Variants in CYRIB observed in about 807,000 individuals in gnomAD.
CYRIB encodes CYFIP related Rac1 interactor B, also known as CYFIP-related Rac1 interactor B.
A neutral mutation model predicts 44.2 loss-of-function variants in CYRIB; 8 were observed. The ratio of observed to expected loss-of-function variants is 0.18; its 90% CI spans 0.11 to 0.33. CYRIB has a LOEUF of 0.33. Ranked by LOEUF, CYRIB falls within the 10% of genes least tolerant of loss-of-function variation. CYRIB has a pLI of 1.00. For synonymous variants in CYRIB, 131 were observed against 127.2 expected, an observed-to-expected ratio of 1.03 and a Z score of -0.20; for missense variants, 185 against 382.8, an observed-to-expected ratio of 0.48 and a Z score of 4.31.
intron 1 of CYRIB, among the ~76,000 whole-genome samples, chr8:130,015,901 T>A (rs951673186): frequency 7.9e-5 from 12 of 152,144 alleles, no homozygotes; most frequent in African/African-American, 2.9e-4. Flanking sequence ...TCAAATCCAA[T>A]GCGACTGGTC....
At chr8:129,999,965 G>A (rs2096871459) in intron 1 of CYRIB, among the ~76,000 whole-genome samples, 1 of 152,118 alleles carries the variant, frequency 6.6e-6, no homozygotes, top group Non-Finnish European at 1.5e-5. Context: ...ACGAGATGAT[G>A]TACACCCAGC....
intron 1 of CYRIB, among the ~76,000 whole-genome samples, chr8:129,916,431 T>C (rs2080813897): frequency 6.6e-6 from 1 of 152,028 alleles, no homozygotes; most frequent in African/African-American, 2.4e-5. Flanking sequence ...AAACTTCTAA[T>C]AGCTCCCAAT....
rs146707166 is a variant in CYRIB, at chr8:129,873,875, C to T, written c.74-2379G>A. On this transcript the variant is annotated intron_variant, in intron 3 of 11. Transcript: ENST00000519824. ...TTTAGGGTGAGAAAAACACCCAGCA[C>T]CACAATGATTAAACATTTTTTAGAC... Among the ~76,000 whole-genome samples the T allele has an allele frequency of 1.1e-4, 17 of 151,998 alleles. No homozygotes were observed. The East Asian group carries it at 3.3e-3, about 29-fold the overall frequency.
chr8:129,906,645 T>C (rs2075545095), intron 1 of CYRIB, among the ~76,000 whole-genome samples: 1 of 152,084 alleles, frequency 6.6e-6, no homozygotes, highest in East Asian at 1.9e-4. Flanking sequence ...CAAAAGAAAC[T>C]ACCATCAGAG....
intron 1 of CYRIB, among the ~76,000 whole-genome samples, chr8:130,005,641 G>A (rs745662495): frequency 7.2e-5 from 11 of 152,010 alleles, no homozygotes; most frequent in African/African-American, 1.2e-4. Context: ...TGGGGTCCCC[G>A]GGTGGGTCAC....
chr8:129,861,565 A>G (rs1229642032), intron 5 of CYRIB, among the ~76,000 whole-genome samples: 1 of 151,316 alleles, frequency 6.6e-6, no homozygotes, highest in Non-Finnish European at 1.5e-5. Flanking sequence ...CAGCCTCCAG[A>G]GTAGATGAGA....
intron 1 of CYRIB, among the ~76,000 whole-genome samples, chr8:129,989,077 C>A (rs554546662): frequency 1.8e-4 from 27 of 152,298 alleles, no homozygotes; most frequent in African/African-American, 6.5e-4. Context: ...TTCCCCCCAA[C>A]ATTTATTAAT....
chr8:129,890,255 T>G (rs2064670940), intron 2 of CYRIB, among the ~76,000 whole-genome samples: 1 of 152,204 alleles, frequency 6.6e-6, no homozygotes, highest in African/African-American at 2.4e-5. Context: ...GAGAAATCTT[T>G]CATGGAAGTG....
rs761555811 is a variant in CYRIB, at chr8:129,872,956, G to A, written c.74-1460C>T. 5.9e-5 allele frequency among the ~76,000 whole-genome samples: 9 copies of A among 151,964 alleles called. No homozygotes were observed. In the South Asian group the frequency reaches 1.0e-3, roughly 18 times the overall value. On this transcript the variant is annotated intron_variant, in intron 3 of 11. Transcript: ENST00000519824. ...ACTGGGAGTAAAGATCCCTAAAAAC[G>A]GTAACGTTATTTTGTGCTTGGAGCA...
At chr8:129,999,128 T>G (rs73398790) in intron 1 of CYRIB, among the ~76,000 whole-genome samples, 25 of 146,274 alleles carry the variant, frequency 1.7e-4, no homozygotes, top group African/African-American at 5.5e-4. Flanking sequence ...GAGAATAACG[T>G]GGGGGGGGTG....
At chr8:129,965,535 G>T (rs967560794) in intron 2 of CYRIB, among the ~76,000 whole-genome samples, 3 of 152,094 alleles carry the variant, frequency 2.0e-5, no homozygotes, top group African/African-American at 7.2e-5. Flanking sequence ...GGTGGCTCAC[G>T]CCTGTAATCC....
rs531344606 is a variant in CYRIB at position 129,955,215 on chromosome 8, T to C, written c.-243+15728A>G. On this transcript the variant is annotated intron_variant, in intron 2 of 14. Transcript: ENST00000401979. Reference sequence around the variant, plus strand: ...TTGCAGTGAGCCAAGATCGTGCCACTGCACTCCAGCCTGGGTGACAGAACA... The same window carrying C: ...TTGCAGTGAGCCAAGATCGTGCCACCGCACTCCAGCCTGGGTGACAGAACA... 1.3e-4 allele frequency among the ~76,000 whole-genome samples: 18 copies of C among 141,738 alleles called. No individual in the cohort carries two copies. The South Asian group carries it at 3.7e-3, about 29-fold the overall frequency. The allele number at this position is 141,738 out of a possible 152,430, so 93.0% of individuals were successfully genotyped here. A position where few individuals can be genotyped will look rare whatever the true frequency, so the allele number is the denominator to read the frequency against.
At chr8:129,862,293 T>C in exon 5 of CYRIB, 1 of 1,613,768 alleles carries the variant, frequency 6.2e-7, no homozygotes, top group Non-Finnish European at 8.5e-7. Flanking sequence ...CTGCACCCCA[T>C]GCCTTCTCTT....
chr8:129,847,547 CAGAGT>C (rs1338909780), intron 10 of CYRIB, among the ~76,000 whole-genome samples: 1 of 152,150 alleles, frequency 6.6e-6, no homozygotes, highest in African/African-American at 2.4e-5. Flanking sequence ...AGAAACCTCA[CAGAGT>C]AAAGTATCAC....
In CYRIB at chr8:129,915,669, CA is replaced by C. The variant is rs542576159; in HGVS notation, c.-49-12320del. 2.5e-4 allele frequency among the ~76,000 whole-genome samples: 38 copies of C among 152,222 alleles called. No homozygotes were observed. In the South Asian group the frequency reaches 7.9e-3, roughly 32 times the overall value. ...GGTGATTAACTATGTTGAAGCTCCA[CA>C]AACTGTATGCTTAATAAAACTTTTA... is the stretch of plus-strand genomic sequence containing the variant. On this transcript the variant is annotated intron_variant, in intron 1 of 11. Coordinates refer to ENST00000519824, the Ensembl canonical transcript of CYRIB.
chr8:129,940,854 C>T (rs964228130), upstream of CYRIB, among the ~76,000 whole-genome samples: 1 of 152,090 alleles, frequency 6.6e-6, no homozygotes, highest in African/African-American at 2.4e-5. Context: ...AAAATACAGA[C>T]ATGCACACAC....
rs1591018931 is a variant in CYRIB, at chr8:129,953,043, C to T, written c.-243+17900G>A. On this transcript the variant is annotated intron_variant, in intron 2 of 14. Transcript: ENST00000401979. ...ACATTCTAAGACTAACTGAATGCCA[C>T]AGGCATTTTCATTAGCCAACTGATC... Among the ~76,000 whole-genome samples, 3 of 152,160 alleles carry T rather than the reference C, an allele frequency of 2.0e-5. No individual in the cohort carries two copies. The South Asian group carries it at 6.2e-4, about 32-fold the overall frequency.
At position 129,854,266 on chromosome 8, in the gene CYRIB, C is replaced by T. The variant is rs376102563; in HGVS notation, c.516G>A (p.Pro172=). The change falls in exon 7 of 12, where the codon CCG becomes CCA. Residue 172 remains proline, a splice_region_variant and synonymous_variant. Transcript: ENST00000519824. ...CCCCTAATTCAAAGCATTAACTTAC[C>T]GGTACATTGTTAATCCTCATACGAC... 3.7e-5 allele frequency: 60 copies of T among 1,600,622 alleles called. No homozygotes were observed. The African/African-American group carries it at 5.5e-4, about 15-fold the overall frequency.
chr8:129,855,591 G>A lies in CYRIB; in HGVS notation c.438+20C>T. 6.2e-7 allele frequency: 1 copy of A among 1,613,414 alleles called. No homozygotes were observed. Among genetic ancestry groups the A allele is most frequent in the Non-Finnish European group, 8.5e-7 (1 of 1,179,594 alleles). Reference sequence around the variant, plus strand: ...AGATTCATGATTTTCGTAACAATCAGGGCCAATAGATAATTCTACCTTGAG... The same window carrying A: ...AGATTCATGATTTTCGTAACAATCAAGGCCAATAGATAATTCTACCTTGAG... On this transcript the variant is annotated intron_variant, in intron 6 of 11. Transcript: ENST00000519824.
Sources: gnomAD v4.1 joint callset for allele counts (sites outside exome capture counted in the v4.1 genomes callset) on GRCh38, gnomAD v4.1.1 for gene constraint, MANE v1.5 for transcripts, NCBI Gene and HGNC (gene_info 2026-07-23, HGNC 2026-07-21) for gene names.